The following VAV1 variants were observed in gnomAD, a reference collection of about 807,000 sequenced individuals.
The protein encoded by VAV1 is vav guanine nucleotide exchange factor 1.
VAV1 carries 33 observed loss-of-function variants against 128.1 expected under a neutral mutation model. The observed-to-expected ratio is 0.26, with a 90% CI of 0.20 to 0.34. The LOEUF (loss-of-function observed/expected upper bound fraction) is 0.34, where lower values mean the gene tolerates loss of function less well. Among genes scored for constraint, VAV1 ranks in the 10% least tolerant of loss-of-function variants. The pLI is 1.00. For missense variants in VAV1, 715 were observed against 1,093.7 expected, an observed-to-expected ratio of 0.65 and a Z score of 4.88; for synonymous variants, 394 against 409.8, an observed-to-expected ratio of 0.96 and a Z score of 0.47.
chr19:6,819,845 C>A (rs1971744818), intron 1 of VAV1, among the ~76,000 whole-genome samples: 1 of 152,194 alleles, frequency 6.6e-6, no homozygotes, highest in South Asian at 2.1e-4. Flanking sequence ...CAATACTTGG[C>A]AAATGCAAGA....
At chr19:6,804,498 C>T (rs906642937) in intron 1 of VAV1, among the ~76,000 whole-genome samples, 1 of 149,578 alleles carries the variant, frequency 6.7e-6, no homozygotes, top group South Asian at 2.1e-4. Context: ...CTCATTGCAA[C>T]CTCTGCCTCC....
intron 1 of VAV1, among the ~76,000 whole-genome samples, chr19:6,779,868 T>C (rs1358691011): frequency 1.3e-5 from 2 of 149,550 alleles, no homozygotes; most frequent in Non-Finnish European, 3.0e-5. Context: ...TTCCAGCACT[T>C]TGGGAGGCCG....
At chr19:6,845,079 T>A (rs902556289) in intron 22 of VAV1, among the ~76,000 whole-genome samples, 4 of 152,034 alleles carry the variant, frequency 2.6e-5, no homozygotes, top group African/African-American at 9.7e-5. Flanking sequence ...CATTCGTTTT[T>A]TAAAATTGAG....
At chr19:6,793,610 AG>A (rs1971066003) in intron 1 of VAV1, among the ~76,000 whole-genome samples, 1 of 152,186 alleles carries the variant, frequency 6.6e-6, no homozygotes, top group Admixed American at 6.6e-5. Flanking sequence ...CCTCCAGAAC[AG>A]GCAAAAACAC....
At chr19:6,841,592 A>C (rs1441892710) in intron 21 of VAV1, among the ~76,000 whole-genome samples, 1 of 150,610 alleles carries the variant, frequency 6.6e-6, no homozygotes, top group Non-Finnish European at 1.5e-5. Context: ...CTCCTGCCTC[A>C]GCCTTCCAAA....
At chr19:6,798,804 C>A (rs1016612897) in intron 1 of VAV1, among the ~76,000 whole-genome samples, 3 of 152,122 alleles carry the variant, frequency 2.0e-5, no homozygotes, top group African/African-American at 7.2e-5. Flanking sequence ...TGCCACTGAA[C>A]CTGGCCTGAT....
At chr19:6,796,255 G>A (rs2617818) in intron 1 of VAV1, among the ~76,000 whole-genome samples, 24,842 of 152,104 alleles carry the variant, frequency 0.16, 3,313 homozygotes, top group African/African-American at 0.37. Flanking sequence ...GTGTACTCGA[G>A]AGAGAGGTGG....
intron 1 of VAV1, among the ~76,000 whole-genome samples, chr19:6,819,615 G>GCATGCAATACGTGGCTT (rs1473684704): frequency 6.6e-6 from 1 of 152,166 alleles, no homozygotes; most frequent in African/African-American, 2.4e-5. Context: ...ATAAATAGAT[G>GCATGCAATACGTGGCTT]CATGCAATAC....
intron 16 of VAV1, 30 bp from the exon 17 acceptor site, chr19:6,833,497 CG>C: frequency 6.4e-7 from 1 of 1,561,342 alleles, no homozygotes; most frequent in East Asian, 2.3e-5. Context: ...AAAGGTCACT[CG>C]CTCTTCTTTA....
In VAV1 at chr19:6,833,614, G is replaced by C. The variant is rs749873161; in HGVS notation, c.1697G>C (p.Arg566Pro). 3 of 1,613,760 alleles carry C rather than the reference G, an allele frequency of 1.9e-6. No individual in the cohort carries two copies. Residue 566 changes from arginine to proline, a missense_variant, in exon 17 of 27, where the codon CGA becomes CCA. Physicochemically the swap from Arg to Pro is moderately radical, Grantham distance 103. This residue lies in a region of VAV1 where 407 missense variants were observed against 580.6 expected (regional missense o/e 0.70). Transcript: ENST00000602142. ...ECLGRVPPCG[R>P]HGQDFPGTMK... ...CTGGGGAGGGTCCCTCCATGTGGCC[G>C]ACATGGGCAAGGTACGAGTGGGAGG...
At position 6,820,672 on chromosome 19, in the gene VAV1, C is replaced by A. The variant is rs369300455; in HGVS notation, c.205-30C>A. On this transcript the variant is annotated intron_variant, in intron 1 of 26. Transcript: ENST00000602142. This position sits in a 1 kb window ranked among gnomAD's most constrained non-coding sequence, Gnocchi z 4.4. ...GTTTCTCCCCTGCCCTTTCGTACTG[C>A]CCCACCCTCATTTCTCTGTCTCCTC... 1 of 1,602,484 alleles carries A rather than the reference C, an allele frequency of 6.2e-7. No individual in the cohort carries two copies. The highest frequency in any genetic ancestry group is 8.6e-7 in the Non-Finnish European group (1 of 1,169,580).
At chr19:6,774,684 C>G (rs1443603203) in intron 1 of VAV1, among the ~76,000 whole-genome samples, 2 of 151,970 alleles carry the variant, frequency 1.3e-5, no homozygotes, top group Non-Finnish European at 2.9e-5. Context: ...ATCCACCCAC[C>G]TCGGCCTTCC....
chr19:6,840,758 C>G (rs1354983704), intron 21 of VAV1, among the ~76,000 whole-genome samples: 1 of 151,896 alleles, frequency 6.6e-6, no homozygotes, highest in Non-Finnish European at 1.5e-5. Flanking sequence ...GCATGTGCCA[C>G]CATGCCTGGC....
intron 1 of VAV1, among the ~76,000 whole-genome samples, chr19:6,789,869 A>G (rs1414167016): frequency 3.3e-5 from 5 of 152,190 alleles, no homozygotes; most frequent in Non-Finnish European, 7.3e-5. Context: ...AAAGTGCTGG[A>G]TTACAGGCAT....
intron 26 of VAV1, among the ~76,000 whole-genome samples, chr19:6,855,768 A>G (rs1283607943): frequency 6.6e-6 from 1 of 151,828 alleles, no homozygotes; most frequent in Non-Finnish European, 1.5e-5. Flanking sequence ...CCTTCCAATC[A>G]CCATTCACCA....
Position 6,822,589 on chromosome 19 carries a change from G to T in VAV1, c.654+75G>T. ...CCGGCAGGTGCACGTCCACCTGTCC[G>T]GCCGCTCTGGGCAGCTGAGGATTTC... On this transcript the variant is annotated intron_variant, in intron 6 of 26. Coordinates refer to ENST00000602142, the MANE Select transcript of VAV1 (RefSeq NM_005428.4). The surrounding 1 kb of genome is among the most constrained non-coding windows in gnomAD (Gnocchi z 5.9). The T allele has an allele frequency of 1.5e-6, 2 of 1,299,844 alleles. No individual in the cohort carries two copies. Among genetic ancestry groups the T allele is most frequent in the Non-Finnish European group, 2.1e-6 (2 of 943,272 alleles). The allele number at this position is 1,299,844 out of a possible 1,614,324, so 80.5% of individuals were successfully genotyped here. A position where few individuals can be genotyped will look rare whatever the true frequency, so the allele number is the denominator to read the frequency against.
At chr19:6,784,638 C>T (rs1031133823) in intron 1 of VAV1, among the ~76,000 whole-genome samples, 27 of 152,024 alleles carry the variant, frequency 1.8e-4, no homozygotes, top group Admixed American at 1.8e-3. Flanking sequence ...GGATTACAGG[C>T]AAGTGCCACC....
At position 6,820,610 on chromosome 19, in the gene VAV1, T is replaced by A; in HGVS notation, c.205-92T>A. The A allele has an allele frequency of 1.0e-6, 1 of 959,732 alleles. No individual in the cohort carries two copies. The highest frequency in any genetic ancestry group is 1.8e-5 in the Admixed American group (1 of 55,834). The allele number at this position is 959,732 out of a possible 1,614,324, so 59.5% of individuals were successfully genotyped here. On this transcript the variant is annotated intron_variant, in intron 1 of 26. Coordinates refer to ENST00000602142, the MANE Select transcript of VAV1 (RefSeq NM_005428.4). This position sits in a 1 kb window ranked among gnomAD's most constrained non-coding sequence, Gnocchi z 4.4. ...AGAGGGTCTGTGCTTTCATTTCCCC[T>A]CCACACCAGTCCCCAAGCTAGGTGG... is the stretch of plus-strand genomic sequence containing the variant.
At chr19:6,781,105 G>A (rs1274642629) in intron 1 of VAV1, among the ~76,000 whole-genome samples, 1 of 151,890 alleles carries the variant, frequency 6.6e-6, no homozygotes, top group South Asian at 2.1e-4. Flanking sequence ...GTCTCACCAT[G>A]TTGCCCAGGC....
Sources: allele counts gnomAD v4.1 joint callset (sites outside exome capture counted in the v4.1 genomes callset), GRCh38; gene constraint gnomAD v4.1.1; regional missense constraint gnomAD v4.1.1; non-coding constraint Gnocchi (gnomAD v3.1); transcripts MANE v1.5; gene names NCBI Gene and HGNC (gene_info 2026-07-23, HGNC 2026-07-21).